Variants in WDR59 observed in about 807,000 individuals in gnomAD.
The protein encoded by WDR59 is GATOR2 complex protein WDR59.
In WDR59, 100 loss-of-function variants were observed where a neutral mutation model predicts 131.2. The observed-to-expected ratio is 0.76, with a 90% CI of 0.65 to 0.90. WDR59 has a LOEUF of 0.90. Among genes scored for constraint, WDR59 ranks in the 40% least tolerant of loss-of-function variants. WDR59 has a pLI of 0.00. For missense variants in WDR59, 1,203 were observed against 1,262.2 expected (o/e 0.95, Z 0.71); for synonymous variants, 601 against 466.2 (o/e 1.29, Z -3.72).
chr16:74,927,788 G>GC (rs1303794363), intron 8 of WDR59, among the ~76,000 whole-genome samples: 1 of 150,358 alleles, frequency 6.7e-6, no homozygotes, highest in Non-Finnish European at 1.5e-5. Flanking sequence ...CTCCATGGCT[G>GC]TTTTTTTCAA....
At position 74,979,360 on chromosome 16, in the gene WDR59, G is replaced by C. The variant is rs2145252546; in HGVS notation, c.54+5604C>G. 2.0e-5 allele frequency among the ~76,000 whole-genome samples: 3 copies of C among 151,752 alleles called. No homozygotes were observed. The South Asian group carries it at 6.3e-4, about 32-fold the overall frequency. Reference sequence around the variant, plus strand: ...GGGCGCCTGTAGTCCCAGCTACTCGGGAGGCTGAGGCAGGAGAATGGCATG... The same window carrying C: ...GGGCGCCTGTAGTCCCAGCTACTCGCGAGGCTGAGGCAGGAGAATGGCATG... On this transcript the variant is annotated intron_variant, in intron 1 of 25. Transcript: ENST00000262144.
At chr16:74,981,899 G>A (rs1437311023) in intron 1 of WDR59, among the ~76,000 whole-genome samples, 6 of 134,814 alleles carry the variant, frequency 4.5e-5, no homozygotes, top group Admixed American at 2.2e-4. Context: ...CAGGTGATCC[G>A]CCTACCTCGG....
intron 2 of WDR59, among the ~76,000 whole-genome samples, chr16:74,960,475 T>C (rs887169738): frequency 2.6e-5 from 4 of 151,734 alleles, no homozygotes; most frequent in African/African-American, 9.7e-5. Context: ...GTCAGGTACG[T>C]GGTTCACATC....
chr16:74,943,864 T>C (rs1395683293), intron 6 of WDR59, among the ~76,000 whole-genome samples: 1 of 152,242 alleles, frequency 6.6e-6, no homozygotes, highest in African/African-American at 2.4e-5. Context: ...AAGGATATGC[T>C]GTGTTGGTTT....
chr16:74,897,905 A>C (rs1668263049), intron 18 of WDR59, among the ~76,000 whole-genome samples: 1 of 152,088 alleles, frequency 6.6e-6, no homozygotes, highest in South Asian at 2.1e-4. Context: ...CTGGCCAATT[A>C]CTCTGGGGAT....
At chr16:74,949,004 A>G (rs1226540700) in intron 5 of WDR59, among the ~76,000 whole-genome samples, 1 of 152,038 alleles carries the variant, frequency 6.6e-6, no homozygotes, top group Non-Finnish European at 1.5e-5. Context: ...GTCTCAGAAA[A>G]AAAGAAAGAA....
rs397855343 is a variant in WDR59, at chr16:74,885,448, CAAAA to C, written c.2689+201_2689+204del. ...GGGCAACAAGAGTGAGATTCCATCT[CAAAA>C]AAAAAAAAAAAAAAAAAAAAAAATT... On this transcript the variant is annotated intron_variant, in intron 25 of 25. Transcript: ENST00000262144. Among the ~76,000 whole-genome samples the C allele has an allele frequency of 4.6e-4, 29 of 62,382 alleles. 1 individual carries two copies. The highest frequency in any genetic ancestry group is 1.6e-3 in the African/African-American group (25 of 15,784). 40.9% of individuals were successfully genotyped at this position (62,382 alleles called of 152,430 possible). A position where few individuals can be genotyped will look rare whatever the true frequency, so the allele number is the denominator to read the frequency against.
intron 21 of WDR59, among the ~76,000 whole-genome samples, chr16:74,888,848 T>C (rs1964901630): frequency 6.6e-6 from 1 of 152,336 alleles, no homozygotes; most frequent in South Asian, 2.1e-4. Flanking sequence ...ACAAGGAGTG[T>C]TTCTGTCCTT....
At chr16:74,878,366 G>A (rs1964318071) in intron 25 of WDR59, among the ~76,000 whole-genome samples, 1 of 152,186 alleles carries the variant, frequency 6.6e-6, no homozygotes, top group Non-Finnish European at 1.5e-5. Context: ...TAAAAATACA[G>A]TACTTGGCCG....
chr16:74,967,191 C>A (rs2033808255), intron 1 of WDR59, among the ~76,000 whole-genome samples: 1 of 152,134 alleles, frequency 6.6e-6, no homozygotes, highest in African/African-American at 2.4e-5. Context: ...ACATTGGGGA[C>A]AAGAAGCCAG....
chr16:74,918,039 T>G, intron 10 of WDR59, 31 bp from the exon 11 acceptor site: 4 of 1,602,090 alleles, frequency 2.5e-6, no homozygotes, highest in Non-Finnish European at 3.4e-6. Flanking sequence ...ATCCTGGAAA[T>G]TCTTCTGGAT....
Position 74,871,733 on chromosome 16 carries a change from TTCTC to T in WDR59, c.*2472_*2475del, listed in dbSNP as rs766879848. 4 of 152,214 alleles carry T rather than the reference TTCTC, an allele frequency of 2.6e-5. No homozygotes were observed. Among genetic ancestry groups the T allele is most frequent in the Admixed American group, 6.5e-5 (1 of 15,276 alleles). 9.4% of individuals were successfully genotyped at this position (152,214 alleles called of 1,614,324 possible). On this transcript the variant is annotated 3_prime_UTR_variant, in exon 26 of 26. Coordinates refer to ENST00000262144, the MANE Select transcript of WDR59 (RefSeq NM_030581.4). The stretch of plus-strand genomic sequence containing the variant: ...TTCACTGAGGAACACAACAGATCCT[TTCTC>T]TCTGTGTAAATCAGCCAACCTATTC...
chr16:74,904,142 T>G (rs781038360), intron 17 of WDR59, 42 bp from the exon 18 acceptor site: 1 of 1,588,284 alleles, frequency 6.3e-7, no homozygotes, highest in Non-Finnish European at 8.6e-7. Flanking sequence ...GCTGCAGTCC[T>G]GTCATATTTC....
At chr16:74,951,846 G>C (rs1462926423) in intron 3 of WDR59, among the ~76,000 whole-genome samples, 1 of 152,112 alleles carries the variant, frequency 6.6e-6, no homozygotes, top group South Asian at 2.1e-4. Flanking sequence ...GAGCTTCATG[G>C]GCCAGGAAAA....
intron 1 of WDR59, among the ~76,000 whole-genome samples, chr16:74,979,838 C>CTTTTTTTT (rs56943510): frequency 5.0e-5 from 3 of 60,506 alleles, no homozygotes; most frequent in African/African-American, 5.8e-5. Flanking sequence ...CACACCCGGC[C>CTTTTTTTT]TTTTTTTTTT....
intron 1 of WDR59, among the ~76,000 whole-genome samples, chr16:74,982,267 G>T (rs551620354): frequency 6.6e-6 from 1 of 151,968 alleles, no homozygotes; most frequent in East Asian, 1.9e-4. Flanking sequence ...TTAATAAAAT[G>T]GGTTCCTGCC....
chr16:74,889,510 T>C, intron 21 of WDR59, 193 bp downstream of exon 21: 1 of 558,054 alleles, frequency 1.8e-6, no homozygotes, highest in Non-Finnish European at 3.2e-6. Context: ...AAATGACAAG[T>C]AATGTATGGT....
At chr16:74,966,868 G>A (rs944187535) in intron 1 of WDR59, among the ~76,000 whole-genome samples, 3 of 152,184 alleles carry the variant, frequency 2.0e-5, no homozygotes, top group Admixed American at 6.5e-5. Context: ...CCAAGAGACT[G>A]CAATGAGTCC....
In WDR59 at chr16:74,886,258, G is replaced by C. The variant is rs769925893; in HGVS notation, c.2546+12C>G. 5 of 1,608,022 alleles carry C rather than the reference G, an allele frequency of 3.1e-6. No homozygotes were observed. In the South Asian group the frequency reaches 4.4e-5, roughly 14 times the overall value. Reference sequence around the variant, plus strand: ...TCCTGGCATTGCAGCTCTCACCTGGGAGGGTGGTTACCTTTTATTTTTATC... The same window carrying C: ...TCCTGGCATTGCAGCTCTCACCTGGCAGGGTGGTTACCTTTTATTTTTATC... On this transcript the variant is annotated intron_variant, in intron 24 of 25. Coordinates refer to ENST00000262144, the MANE Select transcript of WDR59 (RefSeq NM_030581.4).
Sources: allele counts gnomAD v4.1 joint callset (sites outside exome capture counted in the v4.1 genomes callset), GRCh38; gene constraint gnomAD v4.1.1; transcripts MANE v1.5; gene names NCBI Gene and HGNC (gene_info 2026-07-23, HGNC 2026-07-21).